WNT6: variants seen among roughly 807,000 people sequenced by gnomAD.
WNT6 encodes protein Wnt-6.
In WNT6, 27 loss-of-function variants were observed where a neutral mutation model predicts 33.1. The observed-to-expected ratio is 0.82, with a 90% CI of 0.60 to 1.12. The LOEUF (loss-of-function observed/expected upper bound fraction) is 1.12. Ranked by LOEUF, WNT6 falls within the 50% of genes most tolerant of loss-of-function variation. The probability of loss-of-function intolerance (pLI) is 0.00; values close to 1 mark genes in which losing one functional copy is unlikely to be tolerated. For synonymous variants in WNT6, 249 were observed against 242.8 expected (o/e 1.03, Z -0.24); for missense variants, 494 against 535.3 (o/e 0.92, Z 0.76).
chr2:218,873,756 G>C lies in WNT6; in HGVS notation c.1009G>C (p.Glu337Gln), dbSNP rs759589107. ...RGHRQESVQL[E>Q]ENCLCRFHWC... Reference sequence around the variant, plus strand: ...GCACCGCCAGGAGAGCGTGCAGCTCGAAGAGAACTGCCTGTGCCGCTTCCA... The same window carrying C: ...GCACCGCCAGGAGAGCGTGCAGCTCCAAGAGAACTGCCTGTGCCGCTTCCA... The change falls in exon 4 of 4, where the codon GAA becomes CAA. Residue 337 changes from glutamate to glutamine, a missense_variant. Physicochemically the swap from Glu to Gln is conservative, Grantham distance 29. Coordinates refer to ENST00000233948, the MANE Select transcript of WNT6 (RefSeq NM_006522.4). The surrounding 1 kb of genome is among the most constrained non-coding windows in gnomAD (Gnocchi z 6.1). 2 of 1,585,186 alleles carry C rather than the reference G, an allele frequency of 1.3e-6. No individual in the cohort carries two copies. Among genetic ancestry groups the C allele is most frequent in the East Asian group, 4.6e-5 (2 of 43,560 alleles).
chr2:218,869,271 T>C (rs939452381), intron 1 of WNT6, among the ~76,000 whole-genome samples: 1 of 152,100 alleles, frequency 6.6e-6, no homozygotes, highest in Non-Finnish European at 1.5e-5. Context: ...CGTGTTTGTG[T>C]TGTAGACCAT....
chr2:218,873,563 C>A lies in WNT6; in HGVS notation c.816C>A (p.Ala272=). The A allele has an allele frequency of 6.5e-7, 1 of 1,538,200 alleles. No homozygotes were observed. Among genetic ancestry groups the A allele is most frequent in the Non-Finnish European group, 8.7e-7 (1 of 1,146,176 alleles). ...ACGACGGCAAGGCCCTGCTGCCCGC[C>A]GTCCGCACGCTCAAGCCGCCGGGCC... ...GTNDGKALLP[A]VRTLKPPGRA... is the part of the protein sequence containing the mutation. The change falls in exon 4 of 4, where the codon GCC becomes GCA. Residue 272 remains alanine (A), a synonymous_variant. Coordinates refer to ENST00000233948, the MANE Select transcript of WNT6 (RefSeq NM_006522.4). The surrounding 1 kb of genome is among the most constrained non-coding windows in gnomAD (Gnocchi z 6.1).
rs188758278 is a variant in WNT6 at position 218,861,954 on chromosome 2, G to T, written c.80+1837G>T. On this transcript the variant is annotated intron_variant, in intron 1 of 3. Coordinates refer to ENST00000233948, the MANE Select transcript of WNT6 (RefSeq NM_006522.4). ...TCTTTAGGAGCCCTGAGGCCTAGGA[G>T]TGTGTTGGTGCTGGAGATGGGCTTG... Among the ~76,000 whole-genome samples, 542 of 152,328 alleles carry T rather than the reference G, an allele frequency of 3.6e-3. 1 individual carries two copies. The highest frequency in any genetic ancestry group is 0.012 in the African/African-American group (482 of 41,560).
chr2:218,872,566 G>T (rs375362498), intron 3 of WNT6, among the ~76,000 whole-genome samples: 4 of 152,292 alleles, frequency 2.6e-5, no homozygotes, highest in African/African-American at 9.6e-5. Flanking sequence ...GGTTCCAGGA[G>T]GGGGCAGGGC....
intron 1 of WNT6, among the ~76,000 whole-genome samples, chr2:218,868,018 T>C (rs1286462305): frequency 2.0e-5 from 3 of 152,088 alleles, no homozygotes; most frequent in Admixed American, 2.0e-4. Context: ...ACGCCCCTTC[T>C]GGAGTTTCAT....
At chr2:218,861,018 A>C (rs1017570983) in intron 1 of WNT6, among the ~76,000 whole-genome samples, 2 of 152,188 alleles carry the variant, frequency 1.3e-5, no homozygotes, top group Non-Finnish European at 2.9e-5. Context: ...CAGTGTTTAG[A>C]GAGGAGAGAC....
rs1944430992 is a variant in WNT6 at position 218,873,909 on chromosome 2, C to T, written c.*64C>T. 2 of 1,368,656 alleles carry T rather than the reference C, an allele frequency of 1.5e-6. No homozygotes were observed. Among genetic ancestry groups the T allele is most frequent in the Non-Finnish European group, 1.9e-6 (2 of 1,059,650 alleles). 84.8% of individuals were successfully genotyped at this position (1,368,656 alleles called of 1,614,324 possible). A position where few individuals can be genotyped will look rare whatever the true frequency, so the allele number is the denominator to read the frequency against. ...GGCTCGCACCTGTGGGACCTCAGGG[C>T]ACCGGCACCGGGCGCCTCTCGCCGC... is the stretch of plus-strand genomic sequence containing the variant. On this transcript the variant is annotated 3_prime_UTR_variant, in exon 4 of 4. Coordinates refer to ENST00000233948, the MANE Select transcript of WNT6 (RefSeq NM_006522.4). The surrounding 1 kb of genome is among the most constrained non-coding windows in gnomAD (Gnocchi z 6.1).
In WNT6 at chr2:218,871,392, G is replaced by A; in HGVS notation, c.302-93G>A. Reference sequence around the variant, plus strand: ...ACCCTGCAAGGACCCTGCCTCCCAGGCCCCTGGGGCAGCCCTCCCGCCGCA... The same window carrying A: ...ACCCTGCAAGGACCCTGCCTCCCAGACCCCTGGGGCAGCCCTCCCGCCGCA... On this transcript the variant is annotated intron_variant, in intron 2 of 3. Coordinates refer to ENST00000233948, the MANE Select transcript of WNT6 (RefSeq NM_006522.4). This position sits in a 1 kb window ranked among gnomAD's most constrained non-coding sequence, Gnocchi z 6.4. 6.7e-7 allele frequency: 1 copy of A among 1,501,828 alleles called. No homozygotes were observed. The highest frequency in any genetic ancestry group is 1.4e-5 in the African/African-American group (1 of 72,462). 93.0% of individuals were successfully genotyped at this position (1,501,828 alleles called of 1,614,324 possible).
chr2:218,862,200 C>T (rs970378938), intron 1 of WNT6, among the ~76,000 whole-genome samples: 3 of 152,036 alleles, frequency 2.0e-5, no homozygotes, highest in Non-Finnish European at 1.5e-5. Context: ...CAGGGCGTGC[C>T]GGGTGAGGAG....
intron 1 of WNT6, 25 bp downstream of exon 1, chr2:218,860,142 C>A (rs1944293005): frequency 6.6e-7 from 1 of 1,505,144 alleles, no homozygotes; most frequent in Non-Finnish European, 8.9e-7. Context: ...CCTGGCGCGG[C>A]TCTGGACCCT....
At chr2:218,862,703 C>CTTTTTAT (rs1252985719) in intron 1 of WNT6, among the ~76,000 whole-genome samples, 1 of 142,316 alleles carries the variant, frequency 7.0e-6, no homozygotes, top group Non-Finnish European at 1.5e-5. Flanking sequence ...GCCTATTTTA[C>CTTTTTAT]TTTTTATTTT....
At chr2:218,866,212 G>C (rs1335706591) in intron 1 of WNT6, among the ~76,000 whole-genome samples, 1 of 152,204 alleles carries the variant, frequency 6.6e-6, no homozygotes, top group Non-Finnish European at 1.5e-5. Flanking sequence ...GCTTGTGGGA[G>C]GTGGGGTCAG....
At chr2:218,861,306 A>G (rs1944308502) in intron 1 of WNT6, among the ~76,000 whole-genome samples, 2 of 152,218 alleles carry the variant, frequency 1.3e-5, no homozygotes, top group African/African-American at 4.8e-5. Flanking sequence ...TCTAGGGAAC[A>G]TATGCCCTTT....
rs1407136575 is a variant in WNT6, at chr2:218,860,081, T to C, written c.44T>C (p.Leu15Pro). 1 of 1,527,264 alleles carries C rather than the reference T, an allele frequency of 6.5e-7. No homozygotes were observed. Among genetic ancestry groups the C allele is most frequent in the South Asian group, 1.2e-5 (1 of 82,582 alleles). 94.6% of individuals were successfully genotyped at this position (1,527,264 alleles called of 1,614,324 possible). ...TCCCGCCTCGGGCTGCTGCTGCTGC[T>C]GCTCCTGTGCCCGGCGCACGTCGGC... ...LPSRLGLLLLLLLCPAHVGGL... is the reference protein window; with the variant it reads ...LPSRLGLLLLPLLCPAHVGGL... The change falls in exon 1 of 4, where the codon CTG (leucine) becomes CCG (proline). Residue 15 changes from leucine to proline, a missense_variant. By Grantham distance (98) the Leu-to-Pro change is moderately conservative (BLOSUM62 -3). Coordinates refer to ENST00000233948, the MANE Select transcript of WNT6 (RefSeq NM_006522.4).
Position 218,873,817 on chromosome 2 carries a change from T to C in WNT6, c.1070T>C (p.Val357Ala). Residue 357 changes from valine (V) to alanine (A), a missense_variant, in exon 4 of 4, where the codon GTG becomes GCG. By Grantham distance (64) the Val-to-Ala change is moderately conservative (BLOSUM62 0). Coordinates refer to ENST00000233948, the MANE Select transcript of WNT6 (RefSeq NM_006522.4). The surrounding 1 kb of genome is among the most constrained non-coding windows in gnomAD (Gnocchi z 6.1). The stretch of plus-strand genomic sequence containing the variant: ...GTAGTACAGTGCCACCGCTGCCGTG[T>C]GCGCAAGGAGCTCAGCCTCTGCCTG... ...CCVVQCHRCR[V>A]RKELSLCL 1 of 1,538,418 alleles carries C rather than the reference T, an allele frequency of 6.5e-7. No homozygotes were observed. Among genetic ancestry groups the C allele is most frequent in the Non-Finnish European group, 8.7e-7 (1 of 1,147,888 alleles).
chr2:218,864,856 G>C (rs114150340), intron 1 of WNT6, among the ~76,000 whole-genome samples: 10 of 152,222 alleles, frequency 6.6e-5, no homozygotes, highest in African/African-American at 2.4e-4. Context: ...CTGACCCATC[G>C]TGGGCAGTCC....
Position 218,867,028 on chromosome 2 carries a change from A to G in WNT6, c.81-3999A>G, listed in dbSNP as rs1341680743. 6.6e-6 allele frequency among the ~76,000 whole-genome samples: 1 copy of G among 152,044 alleles called. No individual in the cohort carries two copies. Among genetic ancestry groups the G allele is most frequent in the Non-Finnish European group, 1.5e-5 (1 of 68,004 alleles). ...AGTGGGATCTGAGGTGAGTTTGGAG[A>G]GATGCTAAGATTTTGATGACTTAGG... is the stretch of plus-strand genomic sequence containing the variant. On this transcript the variant is annotated intron_variant, in intron 1 of 3. Coordinates refer to ENST00000233948, the MANE Select transcript of WNT6 (RefSeq NM_006522.4). The surrounding 1 kb of genome is among the most constrained non-coding windows in gnomAD (Gnocchi z 4.9).
chr2:218,866,365 C>T (rs1313078908), intron 1 of WNT6, among the ~76,000 whole-genome samples: 3 of 152,070 alleles, frequency 2.0e-5, no homozygotes, highest in Non-Finnish European at 2.9e-5. Flanking sequence ...AGAGGAGGGT[C>T]CTAGAGGGTG....
At chr2:218,866,764 C>T (rs1435658155) in intron 1 of WNT6, among the ~76,000 whole-genome samples, 1 of 152,188 alleles carries the variant, frequency 6.6e-6, no homozygotes, top group Non-Finnish European at 1.5e-5. Context: ...ATGGCAGAGC[C>T]CAGATCCAAA....
Sources: gnomAD v4.1 joint callset for allele counts (sites outside exome capture counted in the v4.1 genomes callset) on GRCh38, gnomAD v4.1.1 for gene constraint, Gnocchi (gnomAD v3.1) non-coding constraint, MANE v1.5 for transcripts, NCBI Gene and HGNC (gene_info 2026-07-23, HGNC 2026-07-21) for gene names.